Variants in AGAP1 observed in about 807,000 individuals in gnomAD.
AGAP1 encodes the protein ArfGAP with GTPase domain, ankyrin repeat and PH domain 1.
In AGAP1, 29 loss-of-function variants were observed where a neutral mutation model predicts 105.3. That is an observed-to-expected ratio of 0.28 (90% CI 0.21 to 0.38). The LOEUF is 0.38. AGAP1 is among the 10% of genes least tolerant of loss of function. AGAP1 has a pLI of 1.00. For synonymous variants in AGAP1, 509 were observed against 485.9 expected (o/e 1.05, Z -0.63); for missense variants, 998 against 1,165.1 (o/e 0.86, Z 2.09).
chr2:235,548,386 G>A (rs1159294556), intron 1 of AGAP1, among the ~76,000 whole-genome samples: 15 of 152,164 alleles, frequency 9.9e-5, no homozygotes, highest in South Asian at 6.2e-4. Flanking sequence ...TGGGCCAGGC[G>A]CAGTGGCTCA....
intron 6 of AGAP1, among the ~76,000 whole-genome samples, chr2:235,779,282 A>G (rs1004805102): frequency 6.6e-6 from 1 of 152,194 alleles, no homozygotes; most frequent in Non-Finnish European, 1.5e-5. Context: ...CCAAGATACA[A>G]TTCACACAGT....
intron 9 of AGAP1, among the ~76,000 whole-genome samples, chr2:235,811,351 G>T (rs901430545): frequency 6.6e-6 from 1 of 152,174 alleles, no homozygotes; most frequent in Non-Finnish European, 1.5e-5. Flanking sequence ...TGAATTTTTT[G>T]AAAATCATGC....
At chr2:235,783,187 G>T in intron 6 of AGAP1, 1 of 338,542 alleles carries the variant, frequency 3.0e-6, no homozygotes. Flanking sequence ...GTGTTTCTCA[G>T]GCTTTTCTTA....
chr2:236,044,777 A>G lies in AGAP1; in HGVS notation c.1891+3936A>G, dbSNP rs535363401. Among the ~76,000 whole-genome samples, 1 of 151,730 alleles carries G rather than the reference A, an allele frequency of 6.6e-6. No homozygotes were observed. The highest frequency in any genetic ancestry group is 6.6e-5 in the Admixed American group (1 of 15,234). ...CCTCCAGGTTTGAAATCACACACAC[A>G]CACACACACACATCCCTACTCCCTG... On this transcript the variant is annotated intron_variant, in intron 15 of 17. Transcript: ENST00000304032. The surrounding 1 kb of genome is among the most constrained non-coding windows in gnomAD (Gnocchi z 5.7).
chr2:235,856,268 T>A (rs555918005), intron 9 of AGAP1, among the ~76,000 whole-genome samples: 1 of 152,338 alleles, frequency 6.6e-6, no homozygotes, highest in East Asian at 1.9e-4. Flanking sequence ...TAGCTTCCTC[T>A]CTTTAGTTTG....
At chr2:235,587,571 G>GTGAA (rs1286578669) in intron 1 of AGAP1, among the ~76,000 whole-genome samples, 1 of 152,014 alleles carries the variant, frequency 6.6e-6, no homozygotes, top group Non-Finnish European at 1.5e-5. Flanking sequence ...GGCCAACATG[G>GTGAA]TGAAACCCCA....
At chr2:236,028,665 C>G (rs1435508689) in intron 13 of AGAP1, among the ~76,000 whole-genome samples, 1 of 152,110 alleles carries the variant, frequency 6.6e-6, no homozygotes, top group African/African-American at 2.4e-5. Flanking sequence ...ATGTGAATGT[C>G]TTTATCTTCC....
rs932182677 is a variant in AGAP1 at position 236,130,767 on chromosome 2, C to G, written c.*6645C>G. ...TGTCCCCTGACATTCCTGGAGGTCCCTGGGCAAATGCATTTCCTGCCTGGG... is the reference window on the plus strand; with the variant it reads ...TGTCCCCTGACATTCCTGGAGGTCCGTGGGCAAATGCATTTCCTGCCTGGG... On this transcript the variant is annotated 3_prime_UTR_variant, in exon 18 of 18. Transcript: ENST00000304032. The surrounding 1 kb of genome is among the most constrained non-coding windows in gnomAD (Gnocchi z 5.8). 1.3e-5 allele frequency: 2 copies of G among 152,596 alleles called. No individual in the cohort carries two copies. Among genetic ancestry groups the G allele is most frequent in the African/African-American group, 4.8e-5 (2 of 41,474 alleles). The allele number at this position is 152,596 out of a possible 1,614,324, so 9.5% of individuals were successfully genotyped here.
rs1410380063 is a variant in AGAP1 at position 235,900,938 on chromosome 2, A to AT, written c.1156-7795dup. Among the ~76,000 whole-genome samples the AT allele has an allele frequency of 6.6e-6, 1 of 152,080 alleles. No individual in the cohort carries two copies. Among genetic ancestry groups the AT allele is most frequent in the Non-Finnish European group, 1.5e-5 (1 of 68,010 alleles). ...GGGAAACAAAGTTATTTCTCATGGG[A>AT]TTTTTCCCTTTGAAGCTGCCTCCTA... is the stretch of plus-strand genomic sequence containing the variant. On this transcript the variant is annotated intron_variant, in intron 10 of 17. Transcript: ENST00000304032. This position sits in a 1 kb window ranked among gnomAD's most constrained non-coding sequence, Gnocchi z 5.5.
chr2:236,061,904 C>G lies in AGAP1; in HGVS notation c.2114+12623C>G, dbSNP rs1008562334. ...TTGAAAAAAAAAAAAAAGGAATTTC[C>G]AAAGGAAAACAGATGAGCCAGGGCG... is the stretch of plus-strand genomic sequence containing the variant. On this transcript the variant is annotated intron_variant, in intron 16 of 17. Transcript: ENST00000304032. The surrounding 1 kb of genome is among the most constrained non-coding windows in gnomAD (Gnocchi z 4.1). 6.6e-6 allele frequency among the ~76,000 whole-genome samples: 1 copy of G among 151,110 alleles called. No individual in the cohort carries two copies. Among genetic ancestry groups the G allele is most frequent in the African/African-American group, 2.4e-5 (1 of 41,006 alleles).
intron 13 of AGAP1, among the ~76,000 whole-genome samples, chr2:235,996,611 G>A (rs1381938693): frequency 3.3e-5 from 5 of 152,152 alleles, no homozygotes; most frequent in Non-Finnish European, 5.9e-5. Context: ...GGCTGCCCCC[G>A]GGGACCTTCT....
At chr2:235,704,627 A>AGAGC (rs58974724) in intron 1 of AGAP1, among the ~76,000 whole-genome samples, 54,630 of 151,872 alleles carry the variant, frequency 0.36, 10,152 homozygotes, top group South Asian at 0.44. Flanking sequence ...GCCTGGCAAC[A>AGAGC]GAGCGAGACT....
intron 1 of AGAP1, among the ~76,000 whole-genome samples, chr2:235,707,545 C>G (rs1256786016): frequency 1.4e-5 from 2 of 143,316 alleles, no homozygotes; most frequent in Non-Finnish European, 3.1e-5. Context: ...GTTGTGCTCC[C>G]CCGGCGTGTG....
At position 236,005,108 on chromosome 2, in the gene AGAP1, C is replaced by T. The variant is rs2056273326; in HGVS notation, c.1646-31453C>T. Among the ~76,000 whole-genome samples, 1 of 150,444 alleles carries T rather than the reference C, an allele frequency of 6.6e-6. No homozygotes were observed. The highest frequency in any genetic ancestry group is 2.1e-4 in the South Asian group (1 of 4,672). The stretch of plus-strand genomic sequence containing the variant: ...TAGGCTTCCCACCACTTCCCCCTGA[C>T]AAGTTTCCCATGTTTTTTGTGTGTG... On this transcript the variant is annotated intron_variant, in intron 13 of 17. Transcript: ENST00000304032. The surrounding 1 kb of genome is among the most constrained non-coding windows in gnomAD (Gnocchi z 4.1).
chr2:235,852,843 T>C, intron 9 of AGAP1: 1 of 1,467,802 alleles, frequency 6.8e-7, no homozygotes, highest in South Asian at 1.4e-5. Context: ...TCCGGGGCCA[T>C]GATGAATTAG....
At chr2:235,670,837 G>C (rs951789196) in intron 1 of AGAP1, 1 of 1,413,884 alleles carries the variant, frequency 7.1e-7, no homozygotes, top group Non-Finnish European at 9.2e-7. Context: ...ACCTGCAGCG[G>C]CTGGAGCGCG....
intron 1 of AGAP1, among the ~76,000 whole-genome samples, chr2:235,527,105 A>G (rs1942869539): frequency 6.6e-6 from 1 of 152,198 alleles, no homozygotes; most frequent in East Asian, 1.9e-4. Context: ...GACATGTAGC[A>G]ATCAGTAGAA....
chr2:235,761,160 C>T (rs1954403988), intron 6 of AGAP1, among the ~76,000 whole-genome samples: 1 of 152,144 alleles, frequency 6.6e-6, no homozygotes, highest in Non-Finnish European at 1.5e-5. Context: ...ATGCTGCAAA[C>T]AACCAGAGAC....
intron 1 of AGAP1, among the ~76,000 whole-genome samples, chr2:235,538,559 G>A (rs1463756530): frequency 6.6e-6 from 1 of 151,720 alleles, no homozygotes; most frequent in African/African-American, 2.4e-5. Flanking sequence ...GTTTCCGCAC[G>A]CCTTGCTGTC....
Sources: gnomAD v4.1 joint callset for allele counts (sites outside exome capture counted in the v4.1 genomes callset) on GRCh38, gnomAD v4.1.1 for gene constraint, Gnocchi (gnomAD v3.1) non-coding constraint, MANE v1.5 for transcripts, NCBI Gene and HGNC (gene_info 2026-07-23, HGNC 2026-07-21) for gene names.